PRKCZ: variants seen among roughly 807,000 people sequenced by gnomAD.
PRKCZ encodes protein kinase C zeta type.
A neutral mutation model predicts 79.5 loss-of-function variants in PRKCZ; 33 were observed. The ratio of observed to expected loss-of-function variants is 0.41; its 90% CI spans 0.31 to 0.55. PRKCZ has a LOEUF of 0.55. Ranked by LOEUF, PRKCZ falls within the 20% of genes least tolerant of loss-of-function variation. The pLI, the probability that PRKCZ is intolerant of heterozygous loss-of-function variation, is 0.19. For missense variants in PRKCZ, 578 were observed against 813.5 expected, an observed-to-expected ratio of 0.71 and a Z score of 3.52; for synonymous variants, 342 against 320.9, an observed-to-expected ratio of 1.07 and a Z score of -0.70.
In PRKCZ at chr1:2,125,797, TGGG is replaced by T. The variant is rs1673755523; in HGVS notation, c.335-9462_335-9460del. ...AGTCCATGCCGCAGAGGCTGTCCCTTGGGGGCCCACGCATCCTAGCCACGGCCT... is the reference window on the plus strand; with the variant it reads ...AGTCCATGCCGCAGAGGCTGTCCCTTGGCCCACGCATCCTAGCCACGGCCT... On this transcript the variant is annotated intron_variant, in intron 4 of 17. Coordinates refer to ENST00000378567, the MANE Select transcript of PRKCZ (RefSeq NM_002744.6). This position sits in a 1 kb window ranked among gnomAD's most constrained non-coding sequence, Gnocchi z 4.2. Among the ~76,000 whole-genome samples, 1 of 152,190 alleles carries T rather than the reference TGGG, an allele frequency of 6.6e-6. No individual in the cohort carries two copies.
At chr1:2,059,085 A>G (rs1438414722) in intron 3 of PRKCZ, among the ~76,000 whole-genome samples, 1 of 152,164 alleles carries the variant, frequency 6.6e-6, no homozygotes, top group Non-Finnish European at 1.5e-5. Context: ...GTGAGCCATC[A>G]TGTCCAGCCA....
chr1:2,138,988 C>CAG (rs1676784816), intron 5 of PRKCZ, among the ~76,000 whole-genome samples: 1 of 152,098 alleles, frequency 6.6e-6, no homozygotes, highest in Non-Finnish European at 1.5e-5. Context: ...CAGTGAGGAC[C>CAG]AGAGGGTCTT....
chr1:2,111,524 G>A (rs1331267440), intron 4 of PRKCZ: 1 of 152,364 alleles, frequency 6.6e-6, no homozygotes, highest in Non-Finnish European at 1.5e-5. Context: ...GGTTAGGGAA[G>A]AGTGTGTGGC....
rs577433168 is a variant in PRKCZ at position 2,168,029 on chromosome 1, C to G, written c.975-1489C>G. ...GTTCCGTGGGGTTGACGTTACTGAA[C>G]GAGTCCCTCCACGGGTGCACTGAGG... On this transcript the variant is annotated intron_variant, in intron 10 of 17. Transcript: ENST00000378567. This position sits in a 1 kb window ranked among gnomAD's most constrained non-coding sequence, Gnocchi z 4.7. 6.6e-6 allele frequency among the ~76,000 whole-genome samples: 1 copy of G among 152,152 alleles called. No homozygotes were observed. Among genetic ancestry groups the G allele is most frequent in the Non-Finnish European group, 1.5e-5 (1 of 68,028 alleles).
intron 9 of PRKCZ, among the ~76,000 whole-genome samples, chr1:2,155,612 C>T (rs76654231): frequency 0.052 from 7,710 of 147,432 alleles, 514 homozygotes; most frequent in African/African-American, 0.16. Context: ...ATGACAGTGA[C>T]GGTGATGATG....
At chr1:2,182,197 G>A in intron 16 of PRKCZ, 1 of 224,404 alleles carries the variant, frequency 4.5e-6, no homozygotes, top group Middle Eastern at 4.5e-4. Context: ...TTCCCAGTTT[G>A]GCTTTTGTTG....
Position 2,125,304 on chromosome 1 carries a change from C to T in PRKCZ, c.335-9958C>T, listed in dbSNP as rs1037172547. Among the ~76,000 whole-genome samples, 2 of 152,240 alleles carry T rather than the reference C, an allele frequency of 1.3e-5. No individual in the cohort carries two copies. Among genetic ancestry groups the T allele is most frequent in the Admixed American group, 6.5e-5 (1 of 15,290 alleles). On this transcript the variant is annotated intron_variant, in intron 4 of 17. Coordinates refer to ENST00000378567, the MANE Select transcript of PRKCZ (RefSeq NM_002744.6). This position sits in a 1 kb window ranked among gnomAD's most constrained non-coding sequence, Gnocchi z 4.2. ...GGAAACTATGAAAATACTGGTCAGC[C>T]TCTCAGTCATTTCATAAAATCTTGA...
chr1:2,153,177 G>A (rs1300658334), intron 9 of PRKCZ, among the ~76,000 whole-genome samples: 2 of 152,286 alleles, frequency 1.3e-5, no homozygotes, highest in Non-Finnish European at 2.9e-5. Flanking sequence ...CAGGTGTGCA[G>A]TGGTGGCTTT....
chr1:2,126,272 G>A (rs1352484379), intron 4 of PRKCZ, among the ~76,000 whole-genome samples: 1 of 152,184 alleles, frequency 6.6e-6, no homozygotes, highest in Non-Finnish European at 1.5e-5. Flanking sequence ...AAAAACCAAA[G>A]TCTGCCAGTG....
chr1:2,152,287 C>T (rs1207381418), intron 9 of PRKCZ, among the ~76,000 whole-genome samples: 3 of 152,152 alleles, frequency 2.0e-5, no homozygotes, highest in Non-Finnish European at 4.4e-5. Context: ...AATCCCAGCA[C>T]TTTGGGAGGC....
intron 4 of PRKCZ, among the ~76,000 whole-genome samples, chr1:2,066,795 C>G (rs1557486382): frequency 6.6e-6 from 1 of 152,192 alleles, no homozygotes; most frequent in Admixed American, 6.5e-5. Context: ...ATGGCTCATG[C>G]TTGTAATCTC....
Position 2,182,030 on chromosome 1 carries a change from C to T in PRKCZ, c.1576-2553C>T. The T allele has an allele frequency of 4.1e-5, 15 of 361,518 alleles. 1 individual carries two copies. The highest frequency in any genetic ancestry group is 3.1e-4 in the South Asian group (15 of 49,142). The allele number at this position is 361,518 out of a possible 1,614,324, so 22.4% of individuals were successfully genotyped here. Reference sequence around the variant, plus strand: ...TGCTGCCTGTGGCCCAGCTTTGAGACACCGCCCTGACACGTGTCCAGCCTT... The same window carrying T: ...TGCTGCCTGTGGCCCAGCTTTGAGATACCGCCCTGACACGTGTCCAGCCTT... On this transcript the variant is annotated intron_variant, in intron 16 of 17. Transcript: ENST00000378567.
rs1484698144 is a variant in PRKCZ at position 2,082,372 on chromosome 1, G to T, written c.334+22781G>T. On this transcript the variant is annotated intron_variant, in intron 4 of 17. Coordinates refer to ENST00000378567, the MANE Select transcript of PRKCZ (RefSeq NM_002744.6). The surrounding 1 kb of genome is among the most constrained non-coding windows in gnomAD (Gnocchi z 4.4). ...AGTTGCCGGCTACCCGGCTGCCGTA[G>T]ACAGAGTGAAGTCTGGTAGTTTGTG... The T allele has an allele frequency of 2.2e-6, 1 of 456,234 alleles. No homozygotes were observed. Among genetic ancestry groups the T allele is most frequent in the African/African-American group, 2.0e-5 (1 of 50,098 alleles). 28.3% of individuals were successfully genotyped at this position (456,234 alleles called of 1,614,324 possible).
At chr1:2,099,402 G>A (rs368075045) in intron 4 of PRKCZ, among the ~76,000 whole-genome samples, 114 of 152,280 alleles carry the variant, frequency 7.5e-4, no homozygotes, top group African/African-American at 2.5e-3. Flanking sequence ...GCTAATGGGC[G>A]GACCAGTGAA....
chr1:2,130,359 C>G lies in PRKCZ; in HGVS notation c.335-4903C>G, dbSNP rs779397579. On this transcript the variant is annotated intron_variant, in intron 4 of 17. Transcript: ENST00000378567. ...CCCAGATGCTGGGGGTATTGGGTGT[C>G]CTGCCCAACCAGGGTCCCCAGGGCC... Among the ~76,000 whole-genome samples the G allele has an allele frequency of 5.9e-5, 9 of 152,300 alleles. No homozygotes were observed. In the Middle Eastern group the frequency reaches 0.01, roughly 173 times the overall value.
chr1:2,118,468 G>T (rs1169904154), intron 4 of PRKCZ, among the ~76,000 whole-genome samples: 5 of 151,792 alleles, frequency 3.3e-5, no homozygotes, highest in Non-Finnish European at 7.4e-5. Flanking sequence ...CTCCTGAGTA[G>T]CTGGGACTAC....
chr1:2,146,657 C>T (rs1289558925), intron 7 of PRKCZ, among the ~76,000 whole-genome samples: 2 of 152,178 alleles, frequency 1.3e-5, no homozygotes, highest in Non-Finnish European at 2.9e-5. Flanking sequence ...AGGTTTGAGC[C>T]TCCACACCTG....
chr1:2,148,640 G>T (rs1679217760), intron 7 of PRKCZ, among the ~76,000 whole-genome samples: 1 of 152,358 alleles, frequency 6.6e-6, no homozygotes, highest in Middle Eastern at 3.4e-3. Context: ...GACCCCTGGG[G>T]ACGTATGTCA....
intron 4 of PRKCZ, among the ~76,000 whole-genome samples, chr1:2,085,914 T>C (rs1664440369): frequency 6.6e-6 from 1 of 152,136 alleles, no homozygotes. Context: ...GAGGCACTTC[T>C]CTCTTTCTCT....
Sources: allele counts gnomAD v4.1 joint callset (sites outside exome capture counted in the v4.1 genomes callset), GRCh38; gene constraint gnomAD v4.1.1; non-coding constraint Gnocchi (gnomAD v3.1); transcripts MANE v1.5; gene names NCBI Gene and HGNC (gene_info 2026-07-23, HGNC 2026-07-21).